TPD52L2: variants seen among roughly 807,000 people sequenced by gnomAD.
The protein encoded by TPD52L2 is TPD52 like 2.
A neutral mutation model predicts 24.7 loss-of-function variants in TPD52L2; 19 were observed. The ratio of observed to expected loss-of-function variants is 0.77; its 90% CI spans 0.54 to 1.13. TPD52L2 has a LOEUF of 1.13. Ranked by LOEUF, TPD52L2 falls within the 50% of genes most tolerant of loss-of-function variation. The pLI, the probability that TPD52L2 is intolerant of heterozygous loss-of-function variation, is 0.00. For synonymous variants in TPD52L2, 104 were observed against 100.2 expected (o/e 1.04, Z -0.23); for missense variants, 236 against 250.4 (o/e 0.94, Z 0.39).
At chr20:63,876,988 C>T (rs922176733) in intron 4 of TPD52L2, 6 of 453,934 alleles carry the variant, frequency 1.3e-5, no homozygotes, top group Non-Finnish European at 2.2e-5. Context: ...TCTGGGGACC[C>T]GGGTGGTTCA....
intron 5 of TPD52L2, among the ~76,000 whole-genome samples, chr20:63,885,646 G>C (rs1265673552): frequency 6.6e-6 from 1 of 152,236 alleles, no homozygotes; most frequent in Non-Finnish European, 1.5e-5. Flanking sequence ...TCACACCTTT[G>C]CGCTGCTGGA....
intron 3 of TPD52L2, among the ~76,000 whole-genome samples, chr20:63,874,218 A>G (rs938967293): frequency 8.2e-5 from 11 of 133,552 alleles, no homozygotes; most frequent in Non-Finnish European, 1.8e-4. Flanking sequence ...CGCCCGGCTG[A>G]TTTTTTTTTT....
At chr20:63,871,393 A>G (rs1417710079) in intron 2 of TPD52L2, among the ~76,000 whole-genome samples, 1 of 151,550 alleles carries the variant, frequency 6.6e-6, no homozygotes, top group Non-Finnish European at 1.5e-5. Context: ...TCTGTCGCCC[A>G]GGCTGGAGTG....
intron 1 of TPD52L2, among the ~76,000 whole-genome samples, chr20:63,868,471 A>G (rs58286154): frequency 0.089 from 13,596 of 152,244 alleles, 680 homozygotes; most frequent in East Asian, 0.12. Context: ...GCCTTCTGGC[A>G]GTGGGATGAG....
chr20:63,890,179 T>A lies in TPD52L2; in HGVS notation c.*234T>A. The stretch of plus-strand genomic sequence containing the variant: ...GTAGATGAAACAGATCACTGTGCTG[T>A]CCTTCCTAGGGGTGCAGGAAGTGGA... On this transcript the variant is annotated 3_prime_UTR_variant, in exon 7 of 7. Coordinates refer to ENST00000346249, the MANE Select transcript of TPD52L2 (RefSeq NM_003288.4). 5 of 973,602 alleles carry A rather than the reference T, an allele frequency of 5.1e-6. No homozygotes were observed. Among genetic ancestry groups the A allele is most frequent in the Non-Finnish European group, 7.4e-6 (5 of 675,900 alleles). The allele number at this position is 973,602 out of a possible 1,614,324, so 60.3% of individuals were successfully genotyped here.
At chr20:63,872,934 C>T (rs763256729) in intron 2 of TPD52L2, among the ~76,000 whole-genome samples, 7 of 149,666 alleles carry the variant, frequency 4.7e-5, no homozygotes, top group South Asian at 2.1e-4. Context: ...AGGATGGTCT[C>T]GATCTCCTGA....
intron 5 of TPD52L2, chr20:63,888,464 C>T (rs2053213603): frequency 1.4e-5 from 2 of 145,266 alleles, no homozygotes; most frequent in Admixed American, 6.8e-5. Flanking sequence ...AACCTCAGTA[C>T]GAGAGCCCAG....
At chr20:63,885,886 T>C (rs945819144) in intron 5 of TPD52L2, 3 of 911,570 alleles carry the variant, frequency 3.3e-6, no homozygotes, top group South Asian at 2.7e-5. Context: ...CTGGAGGGTC[T>C]TCCCCTGCTG....
intron 1 of TPD52L2, among the ~76,000 whole-genome samples, chr20:63,866,096 C>T (rs1400769157): frequency 6.6e-6 from 1 of 151,966 alleles, no homozygotes; most frequent in African/African-American, 2.4e-5. Context: ...AAATTTCTTT[C>T]TTTCTTTCTT....
chr20:63,891,456 T>C lies in TPD52L2; in HGVS notation c.*1511T>C, dbSNP rs1204225947. 6.6e-6 allele frequency: 1 copy of C among 152,244 alleles called. No individual in the cohort carries two copies. Among genetic ancestry groups the C allele is most frequent in the Non-Finnish European group, 1.5e-5 (1 of 68,048 alleles). The allele number at this position is 152,244 out of a possible 1,614,324, so 9.4% of individuals were successfully genotyped here. A position where few individuals can be genotyped will look rare whatever the true frequency, so the allele number is the denominator to read the frequency against. ...TGGGGTGTGGTGAGAAGGCAGGTTG[T>C]GCGGGTGTTGACCGATGTATCTTTT... On this transcript the variant is annotated 3_prime_UTR_variant, in exon 7 of 7. Transcript: ENST00000346249. This position sits in a 1 kb window ranked among gnomAD's most constrained non-coding sequence, Gnocchi z 4.7.
At chr20:63,874,875 C>T (rs2052608621) in intron 3 of TPD52L2, among the ~76,000 whole-genome samples, 3 of 152,138 alleles carry the variant, frequency 2.0e-5, no homozygotes, top group Admixed American at 6.5e-5. Flanking sequence ...CATGGTGGCT[C>T]ATGCCTACAA....
chr20:63,868,949 G>A (rs928516488), intron 1 of TPD52L2, among the ~76,000 whole-genome samples: 1 of 151,950 alleles, frequency 6.6e-6, no homozygotes, highest in African/African-American at 2.4e-5. Context: ...AAAAAAAAAA[G>A]GTGGAAGGTC....
chr20:63,883,828 G>C (rs113028813), intron 5 of TPD52L2, among the ~76,000 whole-genome samples: 2 of 80,700 alleles, frequency 2.5e-5, no homozygotes, highest in African/African-American at 5.5e-5. Context: ...CTGCCTGCCT[G>C]CCTGCCTGCC....
intron 4 of TPD52L2, among the ~76,000 whole-genome samples, chr20:63,881,859 C>T (rs1041030226): frequency 6.6e-6 from 1 of 152,186 alleles, no homozygotes; most frequent in Non-Finnish European, 1.5e-5. Context: ...TGAGGGCCAG[C>T]GACTTCAGGT....
chr20:63,867,980 G>A (rs894353161), intron 1 of TPD52L2, among the ~76,000 whole-genome samples: 4 of 150,686 alleles, frequency 2.7e-5, no homozygotes, highest in East Asian at 1.9e-4. Flanking sequence ...TTGGCCGCGC[G>A]TGGTGGCTCA....
intron 5 of TPD52L2, chr20:63,887,660 G>C: frequency 6.3e-7 from 1 of 1,574,820 alleles, no homozygotes; most frequent in Non-Finnish European, 8.7e-7. Context: ...GGTGGGGGTT[G>C]GGGCAGCTCC....
chr20:63,882,899 T>C, intron 5 of TPD52L2, 79 bp downstream of exon 5: 1 of 1,123,730 alleles, frequency 8.9e-7, no homozygotes, highest in Non-Finnish European at 1.3e-6. Context: ...ACAGGAAGCC[T>C]GCCTGGAGAT....
intron 5 of TPD52L2, chr20:63,888,147 C>G (rs1448518885): frequency 6.3e-6 from 1 of 158,934 alleles, no homozygotes; most frequent in African/African-American, 2.4e-5. Context: ...CTCAGGAGAG[C>G]CCTGTTCTCC....
intron 5 of TPD52L2, among the ~76,000 whole-genome samples, chr20:63,883,468 G>A (rs971355831): frequency 6.6e-6 from 1 of 152,172 alleles, no homozygotes; most frequent in Non-Finnish European, 1.5e-5. Flanking sequence ...ATGATGCTTG[G>A]CTGGGCTACC....
Sources: allele counts gnomAD v4.1 joint callset (sites outside exome capture counted in the v4.1 genomes callset), GRCh38; gene constraint gnomAD v4.1.1; non-coding constraint Gnocchi (gnomAD v3.1); transcripts MANE v1.5; gene names NCBI Gene and HGNC (gene_info 2026-07-23, HGNC 2026-07-21).